Variants in FKRP observed in about 807,000 individuals in gnomAD.
FKRP encodes ribitol 5-phosphate transferase FKRP.
Under a neutral mutation model 30.6 loss-of-function variants are expected in FKRP, and 25 were observed. The ratio of observed to expected loss-of-function variants is 0.82; its 90% CI spans 0.60 to 1.14. The LOEUF is 1.14. Among genes scored for constraint, FKRP ranks in the 50% most tolerant of loss-of-function variants. The probability of loss-of-function intolerance (pLI) is 0.00; values close to 1 mark genes in which losing one functional copy is unlikely to be tolerated. For missense variants in FKRP, 771 were observed against 727.8 expected (o/e 1.06, Z -0.68); for synonymous variants, 358 against 342.5 (o/e 1.05, Z -0.50).
chr19:46,746,037 C>T (rs1034659793), upstream of FKRP: 23 of 1,232,044 alleles, frequency 1.9e-5, 1 homozygote, highest in South Asian at 2.9e-4. Context: ...TCCCGCCCCC[C>T]CGCCGGCCGT....
chr19:46,749,372 A>AGACTTT (rs1207500776), intron 3 of FKRP, among the ~76,000 whole-genome samples: 1 of 149,350 alleles, frequency 6.7e-6, no homozygotes, highest in Non-Finnish European at 1.5e-5. Context: ...CTTGAATAAG[A>AGACTTT]GACTTTAACT....
chr19:46,750,964 G>A (rs547946213), intron 3 of FKRP, among the ~76,000 whole-genome samples: 1 of 152,234 alleles, frequency 6.6e-6, no homozygotes, highest in African/African-American at 2.4e-5. Context: ...CTTCCATGGA[G>A]ATTCTGACAA....
chr19:46,754,484 C>T (rs1170039490), intron 3 of FKRP, among the ~76,000 whole-genome samples: 1 of 129,678 alleles, frequency 7.7e-6, no homozygotes, highest in African/African-American at 3.0e-5. Flanking sequence ...CTCCACCTCC[C>T]AGGTTCAAGT....
chr19:46,746,776 C>G (rs1045177921), intron 1 of FKRP: 4 of 152,190 alleles, frequency 2.6e-5, no homozygotes, highest in African/African-American at 4.8e-5. Context: ...CTTCCACACC[C>G]AAACACCACT....
At chr19:46,747,001 A>C (rs922629437) in intron 1 of FKRP, 3 of 152,184 alleles carry the variant, frequency 2.0e-5, no homozygotes, top group Non-Finnish European at 4.4e-5. Flanking sequence ...AGGTAACCTA[A>C]GTGTCCGTGG....
chr19:46,752,814 G>A (rs980224035), intron 3 of FKRP, among the ~76,000 whole-genome samples: 4 of 151,684 alleles, frequency 2.6e-5, no homozygotes, highest in Admixed American at 6.6e-5. Context: ...GCAGTGAGCC[G>A]TGATTGCACC....
intron 1 of FKRP, chr19:46,746,493 A>AC (rs376315232): frequency 0.074 from 50,496 of 678,104 alleles, 650 homozygotes; most frequent in East Asian, 0.12. Flanking sequence ...CCGCGCCAAC[A>AC]CCCCCCCCCC....
At chr19:46,746,448 CCTGCGCGCCCGCTGTG>C in intron 1 of FKRP, 1 of 1,003,550 alleles carries the variant, frequency 1.0e-6, no homozygotes, top group Non-Finnish European at 1.2e-6. Flanking sequence ...CCGGGGCCGG[CCTGCGCGCCCGCTGTG>C]CCTCGCGCGC....
Position 46,756,074 on chromosome 19 carries a change from C to T in FKRP, c.624C>T (p.Phe208=). 2 of 1,564,906 alleles carry T rather than the reference C, an allele frequency of 1.3e-6. No individual in the cohort carries two copies. Among genetic ancestry groups the T allele is most frequent in the Non-Finnish European group, 1.7e-6 (2 of 1,164,474 alleles). ...TGCTCCTGCGCGCCCGCGACCTCTT[C>T]AACCTCTCGGCGCCCCTGGCCCGGC... ...AVVLLRARDL[F]NLSAPLARPV... Residue 208 remains phenylalanine, a synonymous_variant, in exon 4 of 4, where the codon TTC becomes TTT. Coordinates refer to ENST00000318584, the MANE Select transcript of FKRP (RefSeq NM_024301.5). This position sits in a 1 kb window ranked among gnomAD's most constrained non-coding sequence, Gnocchi z 6.6.
Position 46,756,196 on chromosome 19 carries a change from C to T in FKRP, c.746C>T (p.Ala249Val). The T allele has an allele frequency of 1.4e-6, 2 of 1,436,672 alleles. No individual in the cohort carries two copies. The allele number at this position is 1,436,672 out of a possible 1,614,324, so 89.0% of individuals were successfully genotyped here. Residue 249 changes from alanine (A) to valine (V), a missense_variant, in exon 4 of 4, where the codon GCC becomes GTC. Physicochemically the swap from Ala to Val is moderately conservative, Grantham distance 64. Coordinates refer to ENST00000318584, the MANE Select transcript of FKRP (RefSeq NM_024301.5). This position sits in a 1 kb window ranked among gnomAD's most constrained non-coding sequence, Gnocchi z 6.6. ...GCCGCGGCGCGCCAGCCCCCGCTGG[C>T]CACGGCCCACGCGCGCTGGAAGGCT... ...TFAAARQPPL[A>V]TAHARWKAER...
intron 3 of FKRP, among the ~76,000 whole-genome samples, chr19:46,755,110 A>G (rs1458648601): frequency 5.9e-5 from 9 of 151,304 alleles, no homozygotes; most frequent in Admixed American, 5.9e-4. Flanking sequence ...CTTATCAAAC[A>G]ACTCCCCATT....
At position 46,755,605 on chromosome 19, in the gene FKRP, T is replaced by A. The variant is rs2054892463; in HGVS notation, c.155T>A (p.Leu52Gln). 1 of 1,606,114 alleles carries A rather than the reference T, an allele frequency of 6.2e-7. No individual in the cohort carries two copies. The highest frequency in any genetic ancestry group is 1.1e-5 in the South Asian group (1 of 90,068). The change falls in exon 4 of 4, where the codon CTG (leucine) becomes CAG (glutamine). Residue 52 changes from leucine to glutamine, a missense_variant. Physicochemically the swap from Leu to Gln is moderately radical, Grantham distance 113. Transcript: ENST00000318584. ...ASAAGPRVTV[L>Q]VREFEAFDNA... Reference sequence around the variant, plus strand: ...GCTGCCGGCCCCCGTGTCACCGTCCTGGTGCGGGAGTTCGAGGCATTTGAC... The same window carrying A: ...GCTGCCGGCCCCCGTGTCACCGTCCAGGTGCGGGAGTTCGAGGCATTTGAC...
At chr19:46,751,072 TTTTAAA>T (rs2054782445) in intron 3 of FKRP, among the ~76,000 whole-genome samples, 1 of 150,954 alleles carries the variant, frequency 6.6e-6, no homozygotes, top group Admixed American at 6.6e-5. Flanking sequence ...TTTTTTTTTT[TTTTAAA>T]GACAGACAAG....
Position 46,756,205 on chromosome 19 carries a change from A to G in FKRP, c.755A>G (p.His252Arg). 1 of 1,446,124 alleles carries G rather than the reference A, an allele frequency of 6.9e-7. No individual in the cohort carries two copies. Among genetic ancestry groups the G allele is most frequent in the Non-Finnish European group, 9.0e-7 (1 of 1,106,614 alleles). The allele number at this position is 1,446,124 out of a possible 1,614,324, so 89.6% of individuals were successfully genotyped here. A position where few individuals can be genotyped will look rare whatever the true frequency, so the allele number is the denominator to read the frequency against. ...CGCCAGCCCCCGCTGGCCACGGCCCACGCGCGCTGGAAGGCTGAGCGCGAG... is the reference window on the plus strand; with the variant it reads ...CGCCAGCCCCCGCTGGCCACGGCCCGCGCGCGCTGGAAGGCTGAGCGCGAG... The part of the protein sequence containing the change: ...AARQPPLATA[H>R]ARWKAEREGR... The change falls in exon 4 of 4, where the codon CAC becomes CGC. Residue 252 changes from histidine to arginine, a missense_variant. Coordinates refer to ENST00000318584, the MANE Select transcript of FKRP (RefSeq NM_024301.5). This position sits in a 1 kb window ranked among gnomAD's most constrained non-coding sequence, Gnocchi z 6.6.
At chr19:46,754,343 C>T (rs1413359417) in intron 3 of FKRP, 14 of 148,190 alleles carry the variant, frequency 9.4e-5, no homozygotes, top group African/African-American at 3.6e-4. Context: ...TGGCCCACCC[C>T]ACTTTTGTTT....
intron 3 of FKRP, among the ~76,000 whole-genome samples, chr19:46,752,287 T>C (rs2054809941): frequency 6.6e-6 from 1 of 152,170 alleles, no homozygotes; most frequent in Non-Finnish European, 1.5e-5. Flanking sequence ...TGCTGTGACC[T>C]TCAAGGATAT....
intron 3 of FKRP, among the ~76,000 whole-genome samples, chr19:46,750,467 T>G (rs551878121): frequency 6.6e-6 from 1 of 152,310 alleles, no homozygotes; most frequent in African/African-American, 2.4e-5. Flanking sequence ...AGCCAGGGCC[T>G]CAGAAGCGGA....
chr19:46,746,221 G>C (rs1374553276), intron 1 of FKRP, 131 bp downstream of exon 1: 1 of 1,535,208 alleles, frequency 6.5e-7, no homozygotes, highest in Admixed American at 1.9e-5. Flanking sequence ...GCTGGATAAA[G>C]TGCAGGATCC....
Position 46,755,794 on chromosome 19 carries a change from C to T in FKRP, c.344C>T (p.Ser115Leu), listed in dbSNP as rs752018916. ...QPALDRPAAA[S>L]RPETYVATEF... ...GCCCTGGACCGGCCAGCCGCAGCCT[C>T]GCGCCCGGAGACCTACGTGGCCACC... The change falls in exon 4 of 4, where the codon TCG becomes TTG. Residue 115 changes from serine to leucine, a missense_variant. Physicochemically the swap from Ser to Leu is moderately radical, Grantham distance 145 (BLOSUM62 -2). Transcript: ENST00000318584. 1.1e-5 allele frequency: 17 copies of T among 1,519,098 alleles called. No homozygotes were observed. The highest frequency in any genetic ancestry group is 2.8e-5 in the African/African-American group (2 of 72,624). The allele number at this position is 1,519,098 out of a possible 1,614,324, so 94.1% of individuals were successfully genotyped here.
Sources: allele counts gnomAD v4.1 joint callset (sites outside exome capture counted in the v4.1 genomes callset), GRCh38; gene constraint gnomAD v4.1.1; non-coding constraint Gnocchi (gnomAD v3.1); transcripts MANE v1.5; gene names NCBI Gene and HGNC (gene_info 2026-07-23, HGNC 2026-07-21).